Variants in LARP1B observed in about 807,000 individuals in gnomAD.
LARP1B encodes la-related protein 1B.
In LARP1B, 76 loss-of-function variants were observed where a neutral mutation model predicts 114.2. The ratio of observed to expected loss-of-function variants is 0.67; its 90% CI spans 0.55 to 0.81. LARP1B has a LOEUF of 0.81. Among genes scored for constraint, LARP1B ranks in the 30% least tolerant of loss-of-function variants. The probability of loss-of-function intolerance (pLI) is 0.00; values close to 1 mark genes in which losing one functional copy is unlikely to be tolerated. For missense variants in LARP1B, 1,014 were observed against 1,075.8 expected (o/e 0.94, Z 0.80); for synonymous variants, 345 against 348.0 (o/e 0.99, Z 0.10).
chr4:128,185,250 A>G (rs1749907814), intron 15 of LARP1B, among the ~76,000 whole-genome samples: 1 of 152,076 alleles, frequency 6.6e-6, no homozygotes, highest in African/African-American at 2.4e-5. Context: ...AGGAACTTCT[A>G]TTCTGTTTTC....
At chr4:128,109,108 T>C (rs1334656384) in intron 9 of LARP1B, among the ~76,000 whole-genome samples, 5 of 152,188 alleles carry the variant, frequency 3.3e-5, no homozygotes, top group Non-Finnish European at 2.9e-5. Context: ...GGAATAAATA[T>C]GTAAATCACC....
intron 11 of LARP1B, among the ~76,000 whole-genome samples, chr4:128,136,317 AAAAC>A (rs1321565481): frequency 5.2e-5 from 7 of 135,198 alleles, no homozygotes; most frequent in African/African-American, 8.3e-5. Context: ...AGTCTCAAGA[AAAAC>A]AAAAAAACAA....
intron 1 of LARP1B, among the ~76,000 whole-genome samples, chr4:128,067,650 C>A (rs928233301): frequency 4.6e-5 from 7 of 152,018 alleles, no homozygotes; most frequent in African/African-American, 1.2e-4. Flanking sequence ...AGTCATGAGA[C>A]CAGAAGGAAC....
At chr4:128,187,343 C>T (rs1351546976) in intron 15 of LARP1B, among the ~76,000 whole-genome samples, 1 of 152,264 alleles carries the variant, frequency 6.6e-6, no homozygotes, top group African/African-American at 2.4e-5. Flanking sequence ...TGTGAGCCCA[C>T]CCCTTGCACC....
At chr4:128,076,997 G>C (rs1768187039) in intron 3 of LARP1B, among the ~76,000 whole-genome samples, 1 of 152,108 alleles carries the variant, frequency 6.6e-6, no homozygotes, top group Non-Finnish European at 1.5e-5. Flanking sequence ...AAAGTGCTAG[G>C]ATTACAGGTG....
intron 1 of LARP1B, among the ~76,000 whole-genome samples, chr4:128,072,396 A>C (rs900413016): frequency 1.3e-5 from 2 of 152,064 alleles, no homozygotes; most frequent in Non-Finnish European, 2.9e-5. Flanking sequence ...AAATGGAGAT[A>C]TGTTTTAAAT....
intron 9 of LARP1B, chr4:128,107,936 TG>T: frequency 6.5e-7 from 1 of 1,535,248 alleles, no homozygotes; most frequent in Non-Finnish European, 8.7e-7. Context: ...GAATATGCAG[TG>T]GAATAGGTGA....
At chr4:128,095,737 A>G (rs968518050) in intron 7 of LARP1B, among the ~76,000 whole-genome samples, 1 of 152,112 alleles carries the variant, frequency 6.6e-6, no homozygotes, top group Admixed American at 6.6e-5. Context: ...AATTTGGCCC[A>G]TATACTTCAA....
chr4:128,077,197 G>A (rs1489492358), intron 3 of LARP1B, among the ~76,000 whole-genome samples: 1 of 152,062 alleles, frequency 6.6e-6, no homozygotes, highest in Non-Finnish European at 1.5e-5. Flanking sequence ...TGATCAATCT[G>A]CCCATTTAAA....
chr4:128,068,339 G>T (rs1763876826), intron 1 of LARP1B, among the ~76,000 whole-genome samples: 1 of 149,056 alleles, frequency 6.7e-6, no homozygotes, highest in South Asian at 2.1e-4. Flanking sequence ...TTAAGAGACC[G>T]AGTCTCACTT....
intron 12 of LARP1B, among the ~76,000 whole-genome samples, chr4:128,170,925 G>T (rs1317908463): frequency 5.0e-5 from 3 of 60,316 alleles, no homozygotes; most frequent in African/African-American, 6.2e-5. Context: ...TCTTTGTGTT[G>T]TTTGTAACTT....
At chr4:128,192,763 A>G (rs1468140567) in intron 15 of LARP1B, among the ~76,000 whole-genome samples, 1 of 151,814 alleles carries the variant, frequency 6.6e-6, no homozygotes, top group African/African-American at 2.4e-5. Context: ...ATCCCACTTC[A>G]TGTGTAGTAT....
chr4:128,189,325 T>C (rs1285437001), intron 15 of LARP1B, among the ~76,000 whole-genome samples: 4 of 50,190 alleles, frequency 8.0e-5, no homozygotes, highest in Non-Finnish European at 1.3e-4. Flanking sequence ...GTATGGCTAC[T>C]TTTTTTTTTT....
chr4:128,091,560 A>C (rs1479619740), intron 7 of LARP1B, 48 bp downstream of exon 7: 1 of 1,445,412 alleles, frequency 6.9e-7, no homozygotes, highest in African/African-American at 1.4e-5. Context: ...AATCTGTTGC[A>C]ATATGAACTT....
rs370420911 is a variant in LARP1B at position 128,168,015 on chromosome 4, T to C, written c.1648+5698T>C. 5.3e-4 allele frequency among the ~76,000 whole-genome samples: 80 copies of C among 152,196 alleles called. 1 individual carries two copies. The highest frequency in any genetic ancestry group is 1.9e-3 in the African/African-American group (78 of 41,552). ...GGATGTAAACAGTTTATTTATCCAC[T>C]TATTAGTTGAAGGCATATAGGTTGT... On this transcript the variant is annotated intron_variant, in intron 12 of 19. Transcript: ENST00000326639.
rs191675341 is a variant in LARP1B at position 128,189,410 on chromosome 4, A to G, written c.2003+9898A>G. Among the ~76,000 whole-genome samples, 344 of 104,256 alleles carry G rather than the reference A, an allele frequency of 3.3e-3. 5 individuals carry two copies. Among genetic ancestry groups the G allele is most frequent in the South Asian group, 1.6e-3 (5 of 3,044 alleles). 68.4% of individuals were successfully genotyped at this position (104,256 alleles called of 152,430 possible). ...TCACTTTCAGACTATGTGTGTCTTT[A>G]TAGGTGATTTGAGTTTCTTGTAGGC... On this transcript the variant is annotated intron_variant, in intron 15 of 19. Transcript: ENST00000326639.
At chr4:128,213,800 C>G (rs1225463341), downstream of LARP1B, among the ~76,000 whole-genome samples, 1 of 152,202 alleles carries the variant, frequency 6.6e-6, no homozygotes, top group Non-Finnish European at 1.5e-5. Context: ...GGGGGAGGAG[C>G]CAAGATGGCT....
intron 11 of LARP1B, among the ~76,000 whole-genome samples, chr4:128,155,231 A>G (rs974559418): frequency 9.9e-5 from 15 of 152,254 alleles, no homozygotes; most frequent in Non-Finnish European, 4.4e-5. Flanking sequence ...GCTAATTCAG[A>G]TGAACCCTAT....
chr4:128,077,572 A>G (rs1226173695), intron 3 of LARP1B, among the ~76,000 whole-genome samples: 2 of 143,558 alleles, frequency 1.4e-5, no homozygotes, highest in African/African-American at 2.6e-5. Context: ...GTTCATATGT[A>G]TTTGAGGTAA....
Sources: gnomAD v4.1 joint callset for allele counts (sites outside exome capture counted in the v4.1 genomes callset) on GRCh38, gnomAD v4.1.1 for gene constraint, MANE v1.5 for transcripts, NCBI Gene and HGNC (gene_info 2026-07-23, HGNC 2026-07-21) for gene names.